NCF2: variants seen among roughly 807,000 people sequenced by gnomAD.
NCF2 encodes the protein neutrophil cytosol factor 2.
A neutral mutation model predicts 70.9 loss-of-function variants in NCF2; 45 were observed. The observed-to-expected ratio is 0.63, with a 90% CI of 0.50 to 0.81. The LOEUF (loss-of-function observed/expected upper bound fraction) is 0.81, where lower values mean the gene tolerates loss of function less well. Among genes scored for constraint, NCF2 ranks in the 40% least tolerant of loss-of-function variants. The pLI, the probability that NCF2 is intolerant of heterozygous loss-of-function variation, is 0.00. For synonymous variants in NCF2, 203 were observed against 233.6 expected (o/e 0.87, Z 1.19); for missense variants, 522 against 631.6 (o/e 0.83, Z 1.86).
chr1:183,599,441 T>C, the NCF2 span, among the ~76,000 whole-genome samples: 1 of 98,834 alleles, frequency 1.0e-5, no homozygotes, highest in Non-Finnish European at 2.2e-5. Flanking sequence ...TTTCTTTCTT[T>C]CTTTCTTTCT....
At chr1:183,568,040 G>T (rs907305628) in intron 7 of NCF2, among the ~76,000 whole-genome samples, 1 of 151,958 alleles carries the variant, frequency 6.6e-6, no homozygotes, top group Non-Finnish European at 1.5e-5. Flanking sequence ...CTTTCCCCTC[G>T]GCCCATCCTT....
rs1673587849 is a variant in NCF2 at position 183,590,342 on chromosome 1, A to G, written c.-13T>C. On this transcript the variant is annotated 5_prime_UTR_variant, in exon 1 of 15. Coordinates refer to ENST00000367535, the MANE Select transcript of NCF2 (RefSeq NM_000433.4). ...CCACCAGGGACATGATTAGGTAGAA[A>G]CTAGGAGGCCAAGAGAGCTGCCAGG... 6.2e-7 allele frequency: 1 copy of G among 1,613,952 alleles called. No individual in the cohort carries two copies. The highest frequency in any genetic ancestry group is 1.3e-5 in the African/African-American group (1 of 74,890).
At chr1:183,589,842 T>G (rs756205976) in intron 1 of NCF2, among the ~76,000 whole-genome samples, 3 of 152,186 alleles carry the variant, frequency 2.0e-5, no homozygotes, top group Non-Finnish European at 4.4e-5. Context: ...CAGAAGGAGT[T>G]CTGTGTAGAA....
At chr1:183,565,900 A>C (rs1219740735) in intron 9 of NCF2, 121 bp from the exon 10 acceptor site, 1 of 977,200 alleles carries the variant, frequency 1.0e-6, no homozygotes, top group African/African-American at 1.6e-5. Context: ...TAACGTCCTA[A>C]AAGTTGGAAT....
At chr1:183,578,952 C>A (rs1179539956) in intron 2 of NCF2, among the ~76,000 whole-genome samples, 8 of 152,220 alleles carry the variant, frequency 5.3e-5, no homozygotes, top group Non-Finnish European at 1.2e-4. Flanking sequence ...CAGCCTCACT[C>A]CACTCAGTCC....
At chr1:183,596,347 T>C in the NCF2 span, among the ~76,000 whole-genome samples, 5 of 151,388 alleles carry the variant, frequency 3.3e-5, no homozygotes, top group Admixed American at 6.6e-5. Flanking sequence ...ATTTGTACCC[T>C]TTACACACAC....
intron 14 of NCF2, among the ~76,000 whole-genome samples, chr1:183,559,113 G>A (rs1671924863): frequency 6.6e-6 from 1 of 152,196 alleles, no homozygotes; most frequent in Non-Finnish European, 1.5e-5. Context: ...GCAAGTTGGT[G>A]GGCCCCACCC....
At chr1:183,562,111 TAAAG>T (rs1672088661) in intron 13 of NCF2, among the ~76,000 whole-genome samples, 1 of 152,032 alleles carries the variant, frequency 6.6e-6, no homozygotes, top group African/African-American at 2.4e-5. Flanking sequence ...TGGATAGTGA[TAAAG>T]AACATTCAAC....
intron 2 of NCF2, among the ~76,000 whole-genome samples, chr1:183,579,370 C>T (rs1672948506): frequency 6.6e-6 from 1 of 152,144 alleles, no homozygotes; most frequent in Non-Finnish European, 1.5e-5. Flanking sequence ...CCGTCACTTA[C>T]TATCTGGTGA....
chr1:183,587,625 A>AAAAAAT (rs1673423129), intron 1 of NCF2, among the ~76,000 whole-genome samples: 1 of 130,226 alleles, frequency 7.7e-6, no homozygotes, highest in Non-Finnish European at 1.6e-5. Flanking sequence ...AAAAAAAAAA[A>AAAAAAT]TCCAATGATA....
At chr1:183,556,288 T>G in intron 14 of NCF2, 58 bp from the exon 15 acceptor site, 1 of 1,447,812 alleles carries the variant, frequency 6.9e-7, no homozygotes, top group Non-Finnish European at 9.7e-7. Context: ...GATTACCCTG[T>G]CTGGCTATTC....
At chr1:183,601,267 A>C in the NCF2 span, among the ~76,000 whole-genome samples, 1 of 152,216 alleles carries the variant, frequency 6.6e-6, no homozygotes. Context: ...CAGTACATAG[A>C]AAGCTTCCTC....
chr1:183,587,125 AC>A (rs1673391339), intron 1 of NCF2, 148 bp from the exon 2 acceptor site: 1 of 780,944 alleles, frequency 1.3e-6, no homozygotes, highest in African/African-American at 1.7e-5. Context: ...CTGTGCTCTC[AC>A]GGTGCACCCC....
At chr1:183,576,150 A>G (rs2102909457) in intron 3 of NCF2, among the ~76,000 whole-genome samples, 1 of 152,306 alleles carries the variant, frequency 6.6e-6, no homozygotes, top group South Asian at 2.1e-4. Context: ...GTCATACCAC[A>G]TCAGGAAGAG....
At chr1:183,587,960 A>T (rs758810345) in intron 1 of NCF2, among the ~76,000 whole-genome samples, 2 of 152,212 alleles carry the variant, frequency 1.3e-5, no homozygotes, top group Non-Finnish European at 2.9e-5. Flanking sequence ...CTGTTTTAAT[A>T]ATATGATTTA....
At chr1:183,577,881 T>A (rs1390740776) in intron 2 of NCF2, among the ~76,000 whole-genome samples, 174 bp from the exon 3 acceptor site, 2 of 152,194 alleles carry the variant, frequency 1.3e-5, no homozygotes, top group East Asian at 3.8e-4. Flanking sequence ...TCTATACAAC[T>A]CCTTGGGAAT....
At position 183,590,255 on chromosome 1, in the gene NCF2, G is replaced by A. The variant is rs774369490; in HGVS notation, c.75C>T (p.Ala25=). The change falls in exon 1 of 15, where the codon GCC becomes GCT. Residue 25 remains alanine, a synonymous_variant. Coordinates refer to ENST00000367535, the MANE Select transcript of NCF2 (RefSeq NM_000433.4). ...LAADKKDWKG[A]LDAFSAVQDP... is the part of the protein sequence containing the mutation. ...CCTGGACGGCACTGAAGGCATCCAG[G>A]GCTCCCTTCCAGTCCTTCTTGTCCG... 3 of 1,614,026 alleles carry A rather than the reference G, an allele frequency of 1.9e-6. No homozygotes were observed. The highest frequency in any genetic ancestry group is 1.7e-6 in the Non-Finnish European group (2 of 1,180,018).
chr1:183,595,864 C>A (rs1025556774), upstream of NCF2, among the ~76,000 whole-genome samples: 1 of 152,174 alleles, frequency 6.6e-6, no homozygotes, highest in Admixed American at 6.5e-5. Flanking sequence ...AAGCAAGTTA[C>A]AGGTCTCTCC....
Position 183,571,376 on chromosome 1 carries a change from C to T in NCF2, c.610-537G>A, listed in dbSNP as rs35009190. Among the ~76,000 whole-genome samples, 1,023 of 152,258 alleles carry T rather than the reference C, an allele frequency of 6.7e-3. 9 individuals are homozygous for T. Among genetic ancestry groups the T allele is most frequent in the Middle Eastern group, 0.014 (4 of 294 alleles). On this transcript the variant is annotated intron_variant, in intron 5 of 14. Transcript: ENST00000367535. ...CAGGTGATCTACCCATCCAGCCTCC[C>T]AAAGTGCTGGGATTATAGGCATGAG...
Sources: allele counts gnomAD v4.1 joint callset (sites outside exome capture counted in the v4.1 genomes callset), GRCh38; gene constraint gnomAD v4.1.1; transcripts MANE v1.5; gene names NCBI Gene and HGNC (gene_info 2026-07-23, HGNC 2026-07-21).